The following L3MBTL4 variants were observed in gnomAD, a reference collection of about 807,000 sequenced individuals.
The protein encoded by L3MBTL4 is L3MBTL histone methyl-lysine binding protein 4.
L3MBTL4 carries 70 observed loss-of-function variants against 84.5 expected under a neutral mutation model. The ratio of observed to expected loss-of-function variants is 0.83; its 90% confidence interval spans 0.68 to 1.01. L3MBTL4 has a LOEUF of 1.01. Ranked by LOEUF, L3MBTL4 falls within the 50% of genes least tolerant of loss-of-function variation. The pLI is 0.00. For synonymous variants in L3MBTL4, 274 were observed against 259.8 expected (o/e 1.05, Z -0.52); for missense variants, 715 against 754.8 (o/e 0.95, Z 0.62).
intron 1 of L3MBTL4, among the ~76,000 whole-genome samples, chr18:6,402,842 A>C (rs2055567651): frequency 6.6e-6 from 1 of 152,264 alleles, no homozygotes; most frequent in Non-Finnish European, 1.5e-5. Flanking sequence ...AAGGGAAAGA[A>C]TAATTGATTA....
intron 16 of L3MBTL4, among the ~76,000 whole-genome samples, chr18:5,998,973 T>C (rs1270405823): frequency 6.6e-6 from 1 of 152,192 alleles, no homozygotes; most frequent in East Asian, 1.9e-4. Flanking sequence ...CAAAATGAAA[T>C]GACAAACAAA....
chr18:6,075,000 C>T (rs1212578621), intron 16 of L3MBTL4, among the ~76,000 whole-genome samples: 1 of 152,052 alleles, frequency 6.6e-6, no homozygotes, highest in Non-Finnish European at 1.5e-5. Context: ...CCTCAATCCA[C>T]TATGCAGCAT....
intron 16 of L3MBTL4, among the ~76,000 whole-genome samples, chr18:6,019,659 T>A (rs998478863): frequency 1.3e-5 from 2 of 152,218 alleles, no homozygotes; most frequent in African/African-American, 2.4e-5. Flanking sequence ...AGGTATTATC[T>A]CCACTTTTGT....
chr18:6,224,272 T>C (rs1394045527), intron 10 of L3MBTL4, among the ~76,000 whole-genome samples: 1 of 152,060 alleles, frequency 6.6e-6, no homozygotes, highest in Non-Finnish European at 1.5e-5. Flanking sequence ...AGCTAAAACA[T>C]AAATCTGTTA....
intron 1 of L3MBTL4, among the ~76,000 whole-genome samples, chr18:6,329,072 A>G (rs1599659122): frequency 6.6e-6 from 1 of 152,094 alleles, no homozygotes; most frequent in Non-Finnish European, 1.5e-5. Flanking sequence ...CACTACTTCA[A>G]TCAAGGCAAA....
intron 14 of L3MBTL4, among the ~76,000 whole-genome samples, chr18:6,130,218 C>T (rs1484313179): frequency 6.6e-6 from 1 of 152,052 alleles, no homozygotes; most frequent in Non-Finnish European, 1.5e-5. Context: ...AGGTGAGTTC[C>T]AGGCCTTAAA....
intron 5 of L3MBTL4, among the ~76,000 whole-genome samples, chr18:6,261,954 A>G (rs1371277065): frequency 6.6e-6 from 1 of 152,178 alleles, no homozygotes; most frequent in African/African-American, 2.4e-5. Flanking sequence ...CATCTGATTT[A>G]ATTCTGGCGG....
At chr18:6,242,237 C>G (rs1350627863) in intron 7 of L3MBTL4, among the ~76,000 whole-genome samples, 1 of 152,176 alleles carries the variant, frequency 6.6e-6, no homozygotes, top group Admixed American at 6.5e-5. Context: ...AAGCGCACTC[C>G]TGCCCCGGCG....
At chr18:6,352,500 T>C (rs1325963457) in intron 1 of L3MBTL4, among the ~76,000 whole-genome samples, 2 of 152,242 alleles carry the variant, frequency 1.3e-5, no homozygotes, top group Admixed American at 1.3e-4. Context: ...CTCTATCTTC[T>C]GATCTAGAGG....
chr18:6,117,232 C>T (rs1273648934), intron 14 of L3MBTL4, among the ~76,000 whole-genome samples: 1 of 152,106 alleles, frequency 6.6e-6, no homozygotes, highest in African/African-American at 2.4e-5. Flanking sequence ...GGGGTGAGGT[C>T]AGAGACTGGC....
Position 6,222,610 on chromosome 18 carries a change from T to A in L3MBTL4, c.785-6775A>T, listed in dbSNP as rs138737302. 3.2e-4 allele frequency among the ~76,000 whole-genome samples: 49 copies of A among 152,298 alleles called. No homozygotes were observed. The East Asian group carries it at 8.9e-3, about 28-fold the overall frequency. Reference sequence around the variant, plus strand: ...AGATTTTAAAATAAAAAGCTAGGGTTGTTTTTCTCTTAGTTTCTCTAACCG... The same window carrying A: ...AGATTTTAAAATAAAAAGCTAGGGTAGTTTTTCTCTTAGTTTCTCTAACCG... On this transcript the variant is annotated intron_variant, in intron 10 of 18. Coordinates refer to ENST00000317931, the MANE Select transcript of L3MBTL4 (RefSeq NM_001330559.2).
chr18:6,228,572 G>A (rs917394987), intron 10 of L3MBTL4, among the ~76,000 whole-genome samples: 3 of 152,004 alleles, frequency 2.0e-5, no homozygotes, highest in Admixed American at 6.6e-5. Flanking sequence ...TTAAAAAATG[G>A]ACAAAAGATT....
chr18:6,234,610 C>T lies in L3MBTL4; in HGVS notation c.784+3354G>A, dbSNP rs530477544. 2.6e-5 allele frequency among the ~76,000 whole-genome samples: 4 copies of T among 152,272 alleles called. No homozygotes were observed. The South Asian group carries it at 8.3e-4, about 32-fold the overall frequency. On this transcript the variant is annotated intron_variant, in intron 10 of 18. Coordinates refer to ENST00000317931, the MANE Select transcript of L3MBTL4 (RefSeq NM_001330559.2). ...ATCAGAGAAATGCAAATCAAAACCG[C>T]AATGAGATGCCATCTCATGCCAGTT...
At chr18:5,959,466 G>A (rs968219275) in intron 18 of L3MBTL4, among the ~76,000 whole-genome samples, 4 of 152,262 alleles carry the variant, frequency 2.6e-5, no homozygotes, top group Middle Eastern at 3.4e-3. Flanking sequence ...AGTCTCTTCC[G>A]GGGCCCCTAT....
intron 1 of L3MBTL4, among the ~76,000 whole-genome samples, chr18:6,410,106 C>G (rs1490445370): frequency 6.6e-6 from 1 of 152,212 alleles, no homozygotes; most frequent in African/African-American, 2.4e-5. Flanking sequence ...CAGTCCTTAA[C>G]GAGGTCTTCC....
intron 14 of L3MBTL4, among the ~76,000 whole-genome samples, chr18:6,124,157 T>C (rs948561192): frequency 7.9e-5 from 12 of 152,220 alleles, no homozygotes; most frequent in African/African-American, 2.9e-4. Context: ...TTTCCTAGTA[T>C]TCAGAGGGAC....
chr18:6,309,778 G>A (rs999549107), intron 3 of L3MBTL4, among the ~76,000 whole-genome samples: 5 of 152,052 alleles, frequency 3.3e-5, no homozygotes, highest in African/African-American at 7.3e-5. Flanking sequence ...AAGATAGGGG[G>A]GTAACAATCT....
intron 16 of L3MBTL4, among the ~76,000 whole-genome samples, chr18:6,004,160 C>T (rs1378004941): frequency 1.3e-5 from 2 of 151,998 alleles, no homozygotes; most frequent in African/African-American, 4.8e-5. Context: ...AAAACGAATA[C>T]TCAAATTACT....
intron 1 of L3MBTL4, chr18:6,367,585 T>C (rs2053989518): frequency 6.6e-6 from 1 of 152,192 alleles, no homozygotes; most frequent in Non-Finnish European, 1.5e-5. Context: ...GTCAGGGCAA[T>C]CCCTGACAAT....
Sources: gnomAD v4.1 joint callset for allele counts (sites outside exome capture counted in the v4.1 genomes callset) on GRCh38, gnomAD v4.1.1 for gene constraint, MANE v1.5 for transcripts, NCBI Gene and HGNC (gene_info 2026-07-23, HGNC 2026-07-21) for gene names.